Variants in SEC16A observed in about 807,000 individuals in gnomAD.
The protein encoded by SEC16A is protein transport protein Sec16A.
SEC16A carries 110 observed loss-of-function variants against 221.9 expected under a neutral mutation model. The ratio of observed to expected loss-of-function variants is 0.50; its 90% confidence interval spans 0.42 to 0.58. The LOEUF (loss-of-function observed/expected upper bound fraction) is 0.58, where lower values mean the gene tolerates loss of function less well. Ranked by LOEUF, SEC16A falls within the 20% of genes least tolerant of loss-of-function variation. The pLI, the probability that SEC16A is intolerant of heterozygous loss-of-function variation, is 0.00. For missense variants in SEC16A, 3,165 were observed against 3,097.8 expected, an observed-to-expected ratio of 1.02 and a Z score of -0.52; for synonymous variants, 1,393 against 1,257.7, an observed-to-expected ratio of 1.11 and a Z score of -2.28.
chr9:136,459,652 G>A lies in SEC16A; in HGVS notation c.5192-97C>T, dbSNP rs748302824. On this transcript the variant is annotated intron_variant, in intron 15 of 31. Transcript: ENST00000684901. This position sits in a 1 kb window ranked among gnomAD's most constrained non-coding sequence, Gnocchi z 6.1. ...ACAGAAGGCACCAGAGACGCCAGCC[G>A]GACCGAGAAGGCCGGGTTCTGGTGA... The A allele has an allele frequency of 1.9e-5, 26 of 1,350,518 alleles. No homozygotes were observed. The highest frequency in any genetic ancestry group is 3.8e-5 in the South Asian group (3 of 79,604). The allele number at this position is 1,350,518 out of a possible 1,614,324, so 83.7% of individuals were successfully genotyped here.
rs772664424 is a variant in SEC16A, at chr9:136,459,510, G to A, written c.5237C>T (p.Ala1746Val). The A allele has an allele frequency of 7.5e-6, 12 of 1,606,956 alleles. No individual in the cohort carries two copies. The Admixed American group carries it at 8.5e-5, about 11-fold the overall frequency. The change falls in exon 16 of 32, where the codon GCC becomes GTC. Residue 1746 changes from alanine (A) to valine (V), a missense_variant. Coordinates refer to ENST00000684901, the MANE Select transcript of SEC16A (RefSeq NM_014866.2). This position sits in a 1 kb window ranked among gnomAD's most constrained non-coding sequence, Gnocchi z 6.1. ...LDAAHFCYLMAQAGFGVYTKK... is the reference protein window; with the variant it reads ...LDAAHFCYLMVQAGFGVYTKK... ...CGTGTAAACACCAAATCCCGCCTGGGCCATGAGGTAGCAGAAGTGGGCCGC... is the reference window on the plus strand; with the variant it reads ...CGTGTAAACACCAAATCCCGCCTGGACCATGAGGTAGCAGAAGTGGGCCGC...
At position 136,475,145 on chromosome 9, in the gene SEC16A, T is replaced by C. The variant is rs1445375713; in HGVS notation, c.2471A>G (p.Gln824Arg). ...CTGAGCAATCAAGACTGGAGGATTCTGCAGAGACTCAGTGGGCGGTGAGGA... is the reference window on the plus strand; with the variant it reads ...CTGAGCAATCAAGACTGGAGGATTCCGCAGAGACTCAGTGGGCGGTGAGGA... Reference protein sequence around the residue: ...LLSSPPTESLQNPPVLIAQPD... With the variant: ...LLSSPPTESLRNPPVLIAQPD... The change falls in exon 3 of 32, where the codon CAG becomes CGG. Residue 824 changes from glutamine to arginine, a missense_variant. Physicochemically the swap from Gln to Arg is conservative, Grantham distance 43. Coordinates refer to ENST00000684901, the MANE Select transcript of SEC16A (RefSeq NM_014866.2). The surrounding 1 kb of genome is among the most constrained non-coding windows in gnomAD (Gnocchi z 5.0). 1 of 1,613,952 alleles carries C rather than the reference T, an allele frequency of 6.2e-7. No homozygotes were observed. Among genetic ancestry groups the C allele is most frequent in the Non-Finnish European group, 8.5e-7 (1 of 1,179,888 alleles).
In SEC16A at chr9:136,477,339, G is replaced by C. The variant is rs1265083041; in HGVS notation, c.277C>G (p.Leu93Val). 1 of 1,614,002 alleles carries C rather than the reference G, an allele frequency of 6.2e-7. No homozygotes were observed. The highest frequency in any genetic ancestry group is 2.2e-5 in the East Asian group (1 of 44,884). Residue 93 changes from leucine (L) to valine (V), a missense_variant, in exon 3 of 32, where the codon CTT becomes GTT. Around this residue, in one of 3 missense-constraint regions of SEC16A, gnomAD observed 2,030 missense variants for 1,923.1 expected, o/e 1.06. Coordinates refer to ENST00000684901, the MANE Select transcript of SEC16A (RefSeq NM_014866.2). ...PAGFSQHPGL[L>V]VPHTHARDSS... is the part of the protein sequence containing the mutation. ...TCTCTGGCATGTGTGTGAGGAACAA[G>C]CAAACCGGGGTGCTGAGAAAACCCT... is the stretch of plus-strand genomic sequence containing the variant.
intron 4 of SEC16A, among the ~76,000 whole-genome samples, chr9:136,470,358 G>A (rs1840697295): frequency 1.3e-5 from 2 of 152,214 alleles, no homozygotes; most frequent in African/African-American, 4.8e-5. Flanking sequence ...GTTCCTAGGT[G>A]AGCCTGGCAG....
intron 31 of SEC16A, among the ~76,000 whole-genome samples, chr9:136,442,260 G>C (rs1002323995): frequency 6.6e-6 from 1 of 152,224 alleles, no homozygotes; most frequent in Non-Finnish European, 1.5e-5. Flanking sequence ...GAAAGCCAAG[G>C]AATTTTTGTA....
rs372617616 is a variant in SEC16A, at chr9:136,441,205, G to C, written c.*550C>G. 6.5e-6 allele frequency: 1 copy of C among 153,698 alleles called. No individual in the cohort carries two copies. Among genetic ancestry groups the C allele is most frequent in the Non-Finnish European group, 1.5e-5 (1 of 68,884 alleles). The allele number at this position is 153,698 out of a possible 1,614,324, so 9.5% of individuals were successfully genotyped here. Reference sequence around the variant, plus strand: ...AGGAACCCCACGGCTCCTCGGAGGCGCTGATTGAGAACACAGCGCCCTCCA... The same window carrying C: ...AGGAACCCCACGGCTCCTCGGAGGCCCTGATTGAGAACACAGCGCCCTCCA... On this transcript the variant is annotated 3_prime_UTR_variant, in exon 32 of 32. Transcript: ENST00000684901.
Position 136,459,222 on chromosome 9 carries a change from A to C in SEC16A, c.5321T>G (p.Phe1774Cys), listed in dbSNP as rs1486546768. 6.2e-7 allele frequency: 1 copy of C among 1,613,678 alleles called. No individual in the cohort carries two copies. Among genetic ancestry groups the C allele is most frequent in the Non-Finnish European group, 8.5e-7 (1 of 1,179,728 alleles). The change falls in exon 17 of 32, where the codon TTC becomes TGC. Residue 1774 changes from phenylalanine (F) to cysteine (C), a missense_variant. This residue lies in a region of SEC16A where 1,088 missense variants were observed against 1,089.6 expected (regional missense o/e 1.00). Transcript: ENST00000684901. This position sits in a 1 kb window ranked among gnomAD's most constrained non-coding sequence, Gnocchi z 6.1. ...GSNHSLPFLK[F>C]ATNEAIQRTE... ...CCTCTGGATTGCTTCGTTGGTTGCG[A>C]ACTTTAAGAATGGCAAACTGTAGAG...
intron 11 of SEC16A, 28 bp from the exon 12 acceptor site, chr9:136,463,160 A>G (rs747619978): frequency 1.2e-6 from 2 of 1,603,784 alleles, no homozygotes; most frequent in South Asian, 1.1e-5. Context: ...AACAGGAAGG[A>G]GAACAACGGC....
chr9:136,458,070 C>T (rs1838942628), intron 17 of SEC16A, among the ~76,000 whole-genome samples: 1 of 152,116 alleles, frequency 6.6e-6, no homozygotes, highest in Non-Finnish European at 1.5e-5. Context: ...AGTCCTCCCA[C>T]CTCAGCCTCC....
At chr9:136,457,819 C>T (rs1283622187) in intron 17 of SEC16A, among the ~76,000 whole-genome samples, 2 of 152,246 alleles carry the variant, frequency 1.3e-5, no homozygotes, top group African/African-American at 4.8e-5. Context: ...AAGCTGGTAG[C>T]AAACTCACTC....
At chr9:136,455,065 C>G (rs189337831) in intron 20 of SEC16A, among the ~76,000 whole-genome samples, 5 of 152,260 alleles carry the variant, frequency 3.3e-5, no homozygotes, top group Non-Finnish European at 7.4e-5. Context: ...GGGGAAGAAG[C>G]AGGAGGCGAG....
chr9:136,459,387 G>A lies in SEC16A; in HGVS notation c.5303+57C>T. The A allele has an allele frequency of 6.9e-7, 1 of 1,448,872 alleles. No individual in the cohort carries two copies. Among genetic ancestry groups the A allele is most frequent in the Non-Finnish European group, 9.5e-7 (1 of 1,053,930 alleles). 89.8% of individuals were successfully genotyped at this position (1,448,872 alleles called of 1,614,324 possible). On this transcript the variant is annotated intron_variant, in intron 16 of 31. Coordinates refer to ENST00000684901, the MANE Select transcript of SEC16A (RefSeq NM_014866.2). This position sits in a 1 kb window ranked among gnomAD's most constrained non-coding sequence, Gnocchi z 6.1. ...ATTTCTGAATTCACTAAAGGAGAAGGATTTTGTTTTACTTTGAAAGGAAAA... is the reference window on the plus strand; with the variant it reads ...ATTTCTGAATTCACTAAAGGAGAAGAATTTTGTTTTACTTTGAAAGGAAAA...
chr9:136,472,175 G>A, intron 3 of SEC16A, 64 bp from the exon 4 acceptor site: 2 of 1,594,002 alleles, frequency 1.3e-6, no homozygotes, highest in Non-Finnish European at 1.7e-6. Context: ...CCAACAGCCA[G>A]CCTGAGCTGG....
intron 23 of SEC16A, among the ~76,000 whole-genome samples, chr9:136,449,282 G>A (rs945661608): frequency 1.3e-5 from 2 of 152,128 alleles, no homozygotes; most frequent in South Asian, 2.1e-4. Flanking sequence ...ACAGAGTCTC[G>A]CTCTGTCCCC....
intron 3 of SEC16A, among the ~76,000 whole-genome samples, chr9:136,472,769 A>T (rs1419638423): frequency 6.6e-6 from 1 of 152,186 alleles, no homozygotes; most frequent in Non-Finnish European, 1.5e-5. Flanking sequence ...AAGCGCCTCA[A>T]AGCCTCAAGG....
At chr9:136,484,414 C>G (rs1232912292), upstream of SEC16A, 1 of 1,197,028 alleles carries the variant, frequency 8.4e-7, no homozygotes, top group Non-Finnish European at 1.1e-6. Context: ...TCGGAGGAGC[C>G]GAGGGAGGCT....
intron 1 of SEC16A, among the ~76,000 whole-genome samples, chr9:136,479,242 TTTTC>T (rs1184000853): frequency 3.9e-5 from 6 of 152,342 alleles, no homozygotes; most frequent in East Asian, 3.9e-4. Flanking sequence ...AGGAAAGTTC[TTTTC>T]TTTCTATCAG....
In SEC16A at chr9:136,477,084, T is replaced by A; in HGVS notation, c.532A>T (p.Asn178Tyr). 6.2e-7 allele frequency: 1 copy of A among 1,613,834 alleles called. No individual in the cohort carries two copies. The highest frequency in any genetic ancestry group is 8.5e-7 in the Non-Finnish European group (1 of 1,179,872). The change falls in exon 3 of 32, where the codon AAC (asparagine) becomes TAC (tyrosine). Residue 178 changes from asparagine to tyrosine, a missense_variant. Transcript: ENST00000684901. ...ETSHGGHPHG[N>Y]MPGLDRPLSR... ...AGGGGTCGGTCGAGCCCAGGCATGT[T>A]CCCATGAGGGTGGCCCCCATGAGAC...
chr9:136,445,936 T>G (rs180903690), intron 28 of SEC16A, among the ~76,000 whole-genome samples: 3 of 152,314 alleles, frequency 2.0e-5, no homozygotes, highest in Admixed American at 6.5e-5. Context: ...GGTGCCTGTG[T>G]GTGCCCATGA....
Sources: allele counts gnomAD v4.1 joint callset (sites outside exome capture counted in the v4.1 genomes callset), GRCh38; gene constraint gnomAD v4.1.1; regional missense constraint gnomAD v4.1.1; non-coding constraint Gnocchi (gnomAD v3.1); transcripts MANE v1.5; gene names NCBI Gene and HGNC (gene_info 2026-07-23, HGNC 2026-07-21).